TTYH3: variants seen among roughly 807,000 people sequenced by gnomAD.
TTYH3 encodes the protein protein tweety homolog 3.
Under a neutral mutation model 68.2 loss-of-function variants are expected in TTYH3, and 23 were observed. The ratio of observed to expected loss-of-function variants is 0.34; its 90% CI spans 0.24 to 0.48. TTYH3 has a LOEUF of 0.48. Among genes scored for constraint, TTYH3 ranks in the 20% least tolerant of loss-of-function variants. The pLI, the probability that TTYH3 is intolerant of heterozygous loss-of-function variation, is 0.99. For synonymous variants in TTYH3, 360 were observed against 332.8 expected (o/e 1.08, Z -0.89); for missense variants, 768 against 727.7 (o/e 1.06, Z -0.64).
Position 2,661,786 on chromosome 7 carries a change from G to C in TTYH3, c.*47G>C, listed in dbSNP as rs761760908. The C allele has an allele frequency of 2.5e-6, 4 of 1,571,680 alleles. No individual in the cohort carries two copies. Among genetic ancestry groups the C allele is most frequent in the Non-Finnish European group, 3.4e-6 (4 of 1,159,482 alleles). ...CCCCACGTGCCAACTTCCCCTCCCC[G>C]TGCCAGCACTGCCGCTTCCACCTGG... On this transcript the variant is annotated 3_prime_UTR_variant, in exon 14 of 14. Coordinates refer to ENST00000258796, the MANE Select transcript of TTYH3 (RefSeq NM_025250.3).
In TTYH3 at chr7:2,662,054, C is replaced by A. The variant is rs566701927; in HGVS notation, c.*315C>A. 3 of 539,456 alleles carry A rather than the reference C, an allele frequency of 5.6e-6. No homozygotes were observed. Among genetic ancestry groups the A allele is most frequent in the Non-Finnish European group, 1.0e-5 (3 of 298,786 alleles). The allele number at this position is 539,456 out of a possible 1,614,324, so 33.4% of individuals were successfully genotyped here. The stretch of plus-strand genomic sequence containing the variant: ...CGCACCTACAAGCCCTGGCCGCACC[C>A]AACCTGTGTTGTTGCCGCCCGGCCC... On this transcript the variant is annotated 3_prime_UTR_variant, in exon 14 of 14. Coordinates refer to ENST00000258796, the MANE Select transcript of TTYH3 (RefSeq NM_025250.3).
intron 13 of TTYH3, chr7:2,660,085 G>A (rs1395282830): frequency 1.6e-5 from 20 of 1,282,480 alleles, no homozygotes; most frequent in Non-Finnish European, 2.1e-5. Flanking sequence ...ACCCGCCTGC[G>A]CCTCCCGCCT....
chr7:2,639,797 A>G (rs1327028543), intron 1 of TTYH3, among the ~76,000 whole-genome samples: 4 of 152,030 alleles, frequency 2.6e-5, no homozygotes, highest in Non-Finnish European at 5.9e-5. Context: ...CCCTCCTCCA[A>G]GCTGTGTCAC....
intron 9 of TTYH3, among the ~76,000 whole-genome samples, chr7:2,654,861 C>T (rs569183665): frequency 1.6e-4 from 24 of 151,684 alleles, no homozygotes; most frequent in East Asian, 5.9e-4. Context: ...CTCGGCTCAC[C>T]GCAACCTCTG....
At chr7:2,652,159 C>T in intron 7 of TTYH3, 28 bp from the exon 8 acceptor site, 1 of 1,610,638 alleles carries the variant, frequency 6.2e-7, no homozygotes, top group Non-Finnish European at 8.5e-7. Context: ...GCTGTTGCAG[C>T]TCAGCCTTCC....
At chr7:2,635,210 G>T (rs968007087) in intron 1 of TTYH3, among the ~76,000 whole-genome samples, 11 of 152,326 alleles carry the variant, frequency 7.2e-5, no homozygotes, top group African/African-American at 2.2e-4. Context: ...GGGCCAGTCA[G>T]TGCTGCATAG....
At chr7:2,652,454 G>A (rs1037278169) in intron 8 of TTYH3, among the ~76,000 whole-genome samples, 20 of 152,210 alleles carry the variant, frequency 1.3e-4, no homozygotes, top group African/African-American at 3.6e-4. Flanking sequence ...GCCTTTCGGG[G>A]GGACCTGCTC....
intron 1 of TTYH3, 48 bp downstream of exon 1, chr7:2,632,326 G>T: frequency 1.3e-6 from 2 of 1,498,130 alleles, no homozygotes; most frequent in Middle Eastern, 1.8e-4. Context: ...CCAGGTCACG[G>T]CCCCCTCCTC....
chr7:2,660,492 A>ATG (rs1295064208), intron 13 of TTYH3: 2 of 985,072 alleles, frequency 2.0e-6, no homozygotes, highest in African/African-American at 3.5e-5. Context: ...CGCTGGCCCC[A>ATG]CGGTGGTGCG....
chr7:2,640,894 G>T (rs750117047), intron 1 of TTYH3, among the ~76,000 whole-genome samples: 8 of 152,254 alleles, frequency 5.3e-5, no homozygotes, highest in Non-Finnish European at 1.0e-4. Context: ...CAGGTTGGGG[G>T]TCTCGCCTTA....
chr7:2,643,836 G>A (rs549703553), intron 1 of TTYH3, among the ~76,000 whole-genome samples: 39 of 152,124 alleles, frequency 2.6e-4, no homozygotes, highest in Non-Finnish European at 4.7e-4. Context: ...TGCGTAATGC[G>A]TGTCTGGGAT....
Position 2,632,265 on chromosome 7 carries a change from C to A in TTYH3, c.110C>A (p.Thr37Asn), listed in dbSNP as rs1285266619. The change falls in exon 1 of 14, where the codon ACC (threonine) becomes AAC (asparagine). Residue 37 changes from threonine to asparagine, a missense_variant. Coordinates refer to ENST00000258796, the MANE Select transcript of TTYH3 (RefSeq NM_025250.3). ...AGCAGCCAGTTCCGGCCCGAGGACA[C>A]CGACTACCAGCAGGTGACATGGGCC... is the stretch of plus-strand genomic sequence containing the variant. ...ATSSQFRPED[T>N]DYQQALLLLG... The A allele has an allele frequency of 2.5e-6, 4 of 1,583,038 alleles. No homozygotes were observed. Among genetic ancestry groups the A allele is most frequent in the Non-Finnish European group, 3.4e-6 (4 of 1,162,020 alleles).
chr7:2,647,596 TGGAGGTGCTGGCGGAGCA>T lies in TTYH3; in HGVS notation c.587_604del (p.Glu196_Gln201del). The T allele has an allele frequency of 6.3e-7, 1 of 1,574,820 alleles. No individual in the cohort carries two copies. The highest frequency in any genetic ancestry group is 8.6e-7 in the Non-Finnish European group (1 of 1,161,156). Reference sequence around the variant, plus strand: ...TTTTGGAGGAACACGGCGGTGTCGCTGGAGGTGCTGGCGGAGCAGGTGGATCTCTACGACTGGTACAGG... The same window carrying T: ...TTTTGGAGGAACACGGCGGTGTCGCTGGTGGATCTCTACGACTGGTACAGG... On this transcript the variant is annotated inframe_deletion, in exon 4 of 14. Coordinates refer to ENST00000258796, the MANE Select transcript of TTYH3 (RefSeq NM_025250.3).
intron 1 of TTYH3, among the ~76,000 whole-genome samples, chr7:2,643,794 G>T (rs548798848): frequency 1.0e-4 from 15 of 144,414 alleles, no homozygotes; most frequent in Admixed American, 9.7e-4. Context: ...ATGCCAGGCC[G>T]GTGGCTGCGG....
Position 2,663,077 on chromosome 7 carries a change from G to C in TTYH3, c.*1338G>C, listed in dbSNP as rs991149418. On this transcript the variant is annotated 3_prime_UTR_variant, in exon 14 of 14. Transcript: ENST00000258796. ...GTGTACGATGTTTGCTGTGCTTCCC[G>C]CCGTGGAGGGCAGAGCCACCCCACA... The C allele has an allele frequency of 3.3e-5, 5 of 152,310 alleles. No individual in the cohort carries two copies. Among genetic ancestry groups the C allele is most frequent in the Admixed American group, 6.5e-5 (1 of 15,282 alleles). 9.4% of individuals were successfully genotyped at this position (152,310 alleles called of 1,614,324 possible).
chr7:2,633,163 G>T (rs181256371), intron 1 of TTYH3, among the ~76,000 whole-genome samples: 5 of 152,276 alleles, frequency 3.3e-5, no homozygotes, highest in African/African-American at 1.2e-4. Flanking sequence ...TTTCCTTCCT[G>T]CCTAGAGATC....
intron 6 of TTYH3, 115 bp from the exon 7 acceptor site, chr7:2,649,773 GCACAGTCCACCTGTAACCCCAGATT>G (rs1786110838): frequency 3.5e-6 from 5 of 1,417,348 alleles, no homozygotes; most frequent in East Asian, 4.7e-5. Context: ...CCCACCATGG[GCACAGTCCACCTGTAACCCCAGATT>G]CACAGTCCAC....
chr7:2,654,434 A>G (rs762989980), intron 9 of TTYH3, among the ~76,000 whole-genome samples: 3 of 151,868 alleles, frequency 2.0e-5, no homozygotes, highest in Non-Finnish European at 4.4e-5. Context: ...ATATATATAT[A>G]ACATATATAC....
At chr7:2,656,592 C>G in intron 11 of TTYH3, 58 bp downstream of exon 11, 1 of 1,558,400 alleles carries the variant, frequency 6.4e-7, no homozygotes, top group Non-Finnish European at 8.6e-7. Context: ...ATGCGGGACA[C>G]TTCAGGGGCA....
Sources: allele counts gnomAD v4.1 joint callset (sites outside exome capture counted in the v4.1 genomes callset), GRCh38; gene constraint gnomAD v4.1.1; transcripts MANE v1.5; gene names NCBI Gene and HGNC (gene_info 2026-07-23, HGNC 2026-07-21).